The following ATP11A variants were observed in gnomAD, a reference collection of about 807,000 sequenced individuals.
ATP11A encodes ATPase phospholipid transporting 11A.
Under a neutral mutation model 154.4 loss-of-function variants are expected in ATP11A, and 81 were observed. The ratio of observed to expected loss-of-function variants is 0.52; its 90% CI spans 0.44 to 0.63. ATP11A has a LOEUF of 0.63. Among genes scored for constraint, ATP11A ranks in the 30% least tolerant of loss-of-function variants. The pLI is 0.00. For synonymous variants in ATP11A, 623 were observed against 585.9 expected (o/e 1.06, Z -0.91); for missense variants, 1,316 against 1,474.3 (o/e 0.89, Z 1.76).
rs3742233 is a variant in ATP11A, at chr13:112,883,134, G to A, written c.*1268G>A. The A allele has an allele frequency of 0.44, 166,537 of 379,708 alleles. 36,154 individuals carry two copies. Among genetic ancestry groups the A allele is most frequent in the Admixed American group, 0.48 (10,257 of 21,224 alleles). The allele number at this position is 379,708 out of a possible 1,614,324, so 23.5% of individuals were successfully genotyped here. A position where few individuals can be genotyped will look rare whatever the true frequency, so the allele number is the denominator to read the frequency against. On this transcript the variant is annotated 3_prime_UTR_variant, in exon 30 of 30. Coordinates refer to ENST00000375645, the MANE Select transcript of ATP11A (RefSeq NM_015205.3). Reference sequence around the variant, plus strand: ...CGTCCCCTCGTCTCCTCATCCCCACGTCCTCTCGTCCCCTTGTCCCGTCCC... The same window carrying A: ...CGTCCCCTCGTCTCCTCATCCCCACATCCTCTCGTCCCCTTGTCCCGTCCC...
intron 1 of ATP11A, among the ~76,000 whole-genome samples, chr13:112,720,859 G>A (rs1220474766): frequency 6.6e-6 from 1 of 152,172 alleles, no homozygotes; most frequent in Admixed American, 6.5e-5. Context: ...TTTGACATCA[G>A]TACCTAAAAT....
At chr13:112,837,452 C>A in intron 16 of ATP11A, among the ~76,000 whole-genome samples, 1 of 152,338 alleles carries the variant, frequency 6.6e-6, no homozygotes, top group South Asian at 2.1e-4. Context: ...GCACGCATCC[C>A]GAACGCAGAA....
At chr13:112,726,070 C>T (rs936252464) in intron 1 of ATP11A, among the ~76,000 whole-genome samples, 29 of 152,258 alleles carry the variant, frequency 1.9e-4, no homozygotes, top group Admixed American at 2.6e-4. Context: ...GAGTCACAAT[C>T]GGTCCTTGAA....
rs144554457 is a variant in ATP11A at position 112,768,860 on chromosome 13, C to T, written c.40-16275C>T. On this transcript the variant is annotated intron_variant, in intron 1 of 29. Transcript: ENST00000375645. ...GAGCGTCTCTCCTGTAGGTTGGTTT[C>T]GCCCGGTCCTCAGGGCGGAGTTGCT... 6.2e-4 allele frequency among the ~76,000 whole-genome samples: 94 copies of T among 152,292 alleles called. No individual in the cohort carries two copies. In the East Asian group the frequency reaches 0.018, roughly 29 times the overall value.
At chr13:112,864,810 C>A (rs36148424) in intron 25 of ATP11A, among the ~76,000 whole-genome samples, 22 of 72,612 alleles carry the variant, frequency 3.0e-4, no homozygotes, top group African/African-American at 3.8e-4. Context: ...CCATCACCAC[C>A]TGCGCAGTAA....
In ATP11A at chr13:112,875,686, C is replaced by A; in HGVS notation, c.3162-90C>A. On this transcript the variant is annotated intron_variant, in intron 27 of 29. Transcript: ENST00000375645. This position sits in a 1 kb window ranked among gnomAD's most constrained non-coding sequence, Gnocchi z 4.1. ...CAACTCTCACTGACAAAAGTGTAAA[C>A]TCCCTGAACAGACGGCCTCTCCAGT... 4 of 1,433,220 alleles carry A rather than the reference C, an allele frequency of 2.8e-6. No individual in the cohort carries two copies. The highest frequency in any genetic ancestry group is 2.6e-5 in the South Asian group (2 of 75,608). The allele number at this position is 1,433,220 out of a possible 1,614,324, so 88.8% of individuals were successfully genotyped here.
chr13:112,809,331 C>G (rs2140155023), intron 4 of ATP11A, among the ~76,000 whole-genome samples: 1 of 152,308 alleles, frequency 6.6e-6, no homozygotes, highest in Admixed American at 6.5e-5. Context: ...TTTGGATATC[C>G]ATGCGTCCCA....
intron 1 of ATP11A, among the ~76,000 whole-genome samples, chr13:112,741,590 C>T (rs1242773578): frequency 6.6e-6 from 1 of 152,196 alleles, no homozygotes; most frequent in Non-Finnish European, 1.5e-5. Context: ...GCCATAGCCT[C>T]ACTGTGGGCT....
intron 17 of ATP11A, among the ~76,000 whole-genome samples, chr13:112,846,500 C>T (rs1049075835): frequency 6.6e-6 from 1 of 152,218 alleles, no homozygotes; most frequent in African/African-American, 2.4e-5. Context: ...CCCTACTTAA[C>T]ATGGGGCGTG....
At chr13:112,826,530 G>C (rs1037819047) in intron 11 of ATP11A, among the ~76,000 whole-genome samples, 164 bp from the exon 12 acceptor site, 4 of 151,266 alleles carry the variant, frequency 2.6e-5, no homozygotes, top group Non-Finnish European at 4.4e-5. Flanking sequence ...AGGTGACCCA[G>C]TGGCTGCCTT....
chr13:112,783,534 G>A (rs2077549726), intron 1 of ATP11A, among the ~76,000 whole-genome samples: 1 of 152,260 alleles, frequency 6.6e-6, no homozygotes, highest in Non-Finnish European at 1.5e-5. Flanking sequence ...CCAAGGGTCA[G>A]CCCTTCGACG....
intron 1 of ATP11A, among the ~76,000 whole-genome samples, chr13:112,769,672 A>G (rs1044585076): frequency 6.6e-6 from 1 of 152,196 alleles, no homozygotes; most frequent in African/African-American, 2.4e-5. Flanking sequence ...TGAGGAATGC[A>G]CCAGCCTGAG....
chr13:112,734,279 C>T (rs1384024961), intron 1 of ATP11A, among the ~76,000 whole-genome samples: 3 of 151,838 alleles, frequency 2.0e-5, no homozygotes, highest in East Asian at 1.9e-4. Flanking sequence ...GTGCAGGGGG[C>T]GGGGGTGAGG....
At position 112,885,404 on chromosome 13, in the gene ATP11A, C is replaced by G. The variant is rs960252606; in HGVS notation, c.*3538C>G. The G allele has an allele frequency of 2.0e-5, 3 of 152,330 alleles. No individual in the cohort carries two copies. Among genetic ancestry groups the G allele is most frequent in the South Asian group, 2.1e-4 (1 of 4,824 alleles). 9.4% of individuals were successfully genotyped at this position (152,330 alleles called of 1,614,324 possible). ...GCAGCCTCCTGCACACGTGCACATT[C>G]ATGTGTACACCACAAATGAGTTCCC... is the stretch of plus-strand genomic sequence containing the variant. On this transcript the variant is annotated 3_prime_UTR_variant, in exon 30 of 30. Transcript: ENST00000375645.
intron 29 of ATP11A, chr13:112,880,688 A>G: frequency 7.9e-7 from 1 of 1,259,884 alleles, no homozygotes; most frequent in Middle Eastern, 2.2e-4. Flanking sequence ...GTGTGCTGTG[A>G]CTGTCAGACC....
chr13:112,878,108 CTT>C lies in ATP11A; in HGVS notation c.3328-108_3328-107del, dbSNP rs1434496356. 7.6e-6 allele frequency: 8 copies of C among 1,047,694 alleles called. No homozygotes were observed. In the African/African-American group the frequency reaches 7.8e-5, roughly 10 times the overall value. The allele number at this position is 1,047,694 out of a possible 1,614,324, so 64.9% of individuals were successfully genotyped here. On this transcript the variant is annotated intron_variant, in intron 28 of 29. Transcript: ENST00000375645. The stretch of plus-strand genomic sequence containing the variant: ...GCCTCTGACTAACTCAGCTCTGTCT[CTT>C]GTTTCTCTTTCCTTCCCATTTCCTT...
intron 1 of ATP11A, among the ~76,000 whole-genome samples, chr13:112,691,659 T>C (rs1594296061): frequency 1.3e-5 from 2 of 152,118 alleles, no homozygotes; most frequent in East Asian, 3.9e-4. Flanking sequence ...GGCAGTATTA[T>C]GGGAACTTTG....
intron 1 of ATP11A, among the ~76,000 whole-genome samples, chr13:112,716,247 A>ATC (rs1489421181): frequency 1.3e-5 from 2 of 152,086 alleles, no homozygotes; most frequent in Non-Finnish European, 2.9e-5. Flanking sequence ...GGCATTCCCC[A>ATC]TCTGGTGGGA....
chr13:112,733,890 G>C (rs1238053186), intron 1 of ATP11A, among the ~76,000 whole-genome samples: 1 of 152,168 alleles, frequency 6.6e-6, no homozygotes, highest in African/African-American at 2.4e-5. Context: ...CTTATCTTCA[G>C]AGCTGCTTGG....
Sources: gnomAD v4.1 joint callset for allele counts (sites outside exome capture counted in the v4.1 genomes callset) on GRCh38, gnomAD v4.1.1 for gene constraint, Gnocchi (gnomAD v3.1) non-coding constraint, MANE v1.5 for transcripts, NCBI Gene and HGNC (gene_info 2026-07-23, HGNC 2026-07-21) for gene names.